Variants in SPAG16 observed in about 807,000 individuals in gnomAD.
SPAG16 encodes sperm-associated antigen 16 protein.
SPAG16 carries 86 observed loss-of-function variants against 80.4 expected under a neutral mutation model. The observed-to-expected ratio is 1.07, with a 90% CI of 0.90 to 1.28. The LOEUF (loss-of-function observed/expected upper bound fraction) is 1.28, where lower values mean the gene tolerates loss of function less well. SPAG16 is among the 50% of genes most tolerant of loss of function. The pLI, the probability that SPAG16 is intolerant of heterozygous loss-of-function variation, is 0.00. For missense variants in SPAG16, 870 were observed against 765.3 expected, an observed-to-expected ratio of 1.14 and a Z score of -1.61; for synonymous variants, 294 against 265.9, an observed-to-expected ratio of 1.11 and a Z score of -1.03.
At chr2:214,327,680 G>T (rs1696585661) in intron 15 of SPAG16, among the ~76,000 whole-genome samples, 1 of 134,204 alleles carries the variant, frequency 7.5e-6, no homozygotes, top group South Asian at 2.6e-4. Context: ...ATAATGTGCA[G>T]ATTCTAGATA....
chr2:213,524,570 A>G (rs1311714603), intron 10 of SPAG16, among the ~76,000 whole-genome samples: 1 of 152,236 alleles, frequency 6.6e-6, no homozygotes, highest in African/African-American at 2.4e-5. Flanking sequence ...GAGCTGCCCA[A>G]GGCCATGGGA....
intron 9 of SPAG16, among the ~76,000 whole-genome samples, chr2:213,410,532 AGCAAAGATGGACT>A (rs1465628806): frequency 1.3e-5 from 2 of 152,138 alleles, no homozygotes. Context: ...CCCACTGAAG[AGCAAAGATGGACT>A]GCAAAGATGG....
intron 11 of SPAG16, among the ~76,000 whole-genome samples, chr2:213,899,313 G>A (rs1473948088): frequency 6.6e-6 from 1 of 152,086 alleles, no homozygotes; most frequent in Non-Finnish European, 1.5e-5. Flanking sequence ...TTTGAATTCT[G>A]AATAATGCCA....
chr2:213,591,116 T>A (rs2060675337), intron 10 of SPAG16, among the ~76,000 whole-genome samples: 1 of 152,206 alleles, frequency 6.6e-6, no homozygotes, highest in South Asian at 2.1e-4. Context: ...AATTGTACAT[T>A]TTTGTACATT....
chr2:214,394,611 A>C (rs1701260594), intron 15 of SPAG16, among the ~76,000 whole-genome samples: 1 of 152,142 alleles, frequency 6.6e-6, no homozygotes. Flanking sequence ...AGTTTCACAG[A>C]AAAATTGAAA....
chr2:214,028,372 C>A (rs745845031), intron 13 of SPAG16, among the ~76,000 whole-genome samples: 3 of 152,110 alleles, frequency 2.0e-5, no homozygotes, highest in East Asian at 1.9e-4. Flanking sequence ...GATGATGGAG[C>A]CTTTTCACAA....
intron 6 of SPAG16, among the ~76,000 whole-genome samples, chr2:213,341,215 A>T (rs2064669093): frequency 6.6e-6 from 1 of 152,170 alleles, no homozygotes; most frequent in South Asian, 2.1e-4. Context: ...TGAATCACTA[A>T]AGCTCATTTT....
intron 10 of SPAG16, among the ~76,000 whole-genome samples, chr2:213,525,077 C>G (rs1350830369): frequency 6.6e-6 from 1 of 152,008 alleles, no homozygotes. Flanking sequence ...GCAGCTACCT[C>G]CATGCTGCTG....
At chr2:213,788,704 T>C (rs1575139930) in intron 10 of SPAG16, among the ~76,000 whole-genome samples, 1 of 151,910 alleles carries the variant, frequency 6.6e-6, no homozygotes, top group East Asian at 1.9e-4. Context: ...ACTTAATCCC[T>C]CTGTTCAAAA....
chr2:214,170,198 A>G (rs577262975), intron 15 of SPAG16, among the ~76,000 whole-genome samples: 73 of 144,882 alleles, frequency 5.0e-4, no homozygotes, highest in South Asian at 1.3e-3. Context: ...GTGTGTATAC[A>G]TATACACACA....
chr2:214,181,317 A>G (rs2057300733), intron 15 of SPAG16, among the ~76,000 whole-genome samples: 1 of 151,792 alleles, frequency 6.6e-6, no homozygotes. Context: ...TAATGAACAG[A>G]GAAAAGGGAA....
chr2:214,154,050 C>A (rs987216209), intron 15 of SPAG16, among the ~76,000 whole-genome samples: 8 of 152,144 alleles, frequency 5.3e-5, no homozygotes, highest in African/African-American at 1.9e-4. Flanking sequence ...TAATGCTACA[C>A]ATTTTTGTGA....
intron 10 of SPAG16, among the ~76,000 whole-genome samples, chr2:213,608,680 T>C (rs1211611051): frequency 6.6e-6 from 1 of 152,222 alleles, no homozygotes; most frequent in Non-Finnish European, 1.5e-5. Context: ...ATCCTTTGGG[T>C]ATATACCCAG....
chr2:214,047,888 AG>A (rs1443109109), intron 13 of SPAG16, among the ~76,000 whole-genome samples: 3 of 152,202 alleles, frequency 2.0e-5, no homozygotes, highest in African/African-American at 7.2e-5. Flanking sequence ...ATACCTGAAT[AG>A]ACATTTCTCA....
chr2:213,453,227 T>C (rs201849380), intron 9 of SPAG16, among the ~76,000 whole-genome samples: 1 of 152,382 alleles, frequency 6.6e-6, no homozygotes, highest in African/African-American at 2.4e-5. Flanking sequence ...AGAGGTCTGA[T>C]ACTCTGTCTC....
At chr2:214,298,065 G>GATGTATGCCTATATATATATATATAT (rs1694262336) in intron 15 of SPAG16, among the ~76,000 whole-genome samples, 1 of 139,346 alleles carries the variant, frequency 7.2e-6, no homozygotes, top group East Asian at 2.1e-4. Flanking sequence ...TTCTTGGTTA[G>GATGTATGCCTATATATATATATATAT]ATGTATGCCT....
chr2:213,618,661 G>A (rs1391213960), intron 10 of SPAG16, among the ~76,000 whole-genome samples: 1 of 149,924 alleles, frequency 6.7e-6, no homozygotes, highest in Non-Finnish European at 1.5e-5. Context: ...CGTGTTTATA[G>A]TTTGCTGAAT....
intron 3 of SPAG16, among the ~76,000 whole-genome samples, chr2:213,299,873 T>TTA (rs2062663033): frequency 6.6e-6 from 1 of 152,028 alleles, no homozygotes; most frequent in South Asian, 2.1e-4. Flanking sequence ...AAAGGTAGGA[T>TTA]TATATATATG....
In SPAG16 at chr2:213,904,084, C is replaced by T. The variant is rs112655180; in HGVS notation, c.1215-25876C>T. Reference sequence around the variant, plus strand: ...AAGCCATTCAAGTCTCTGGGAAGTTCTAAATTTTCCCACATGTTCCTGTCT... The same window carrying T: ...AAGCCATTCAAGTCTCTGGGAAGTTTTAAATTTTCCCACATGTTCCTGTCT... On this transcript the variant is annotated intron_variant, in intron 11 of 15. Coordinates refer to ENST00000331683, the MANE Select transcript of SPAG16 (RefSeq NM_024532.5). 2.6e-5 allele frequency among the ~76,000 whole-genome samples: 4 copies of T among 152,270 alleles called. 1 individual carries two copies. Among genetic ancestry groups the T allele is most frequent in the African/African-American group, 9.6e-5 (4 of 41,554 alleles).
Sources: gnomAD v4.1 joint callset for allele counts (sites outside exome capture counted in the v4.1 genomes callset) on GRCh38, gnomAD v4.1.1 for gene constraint, MANE v1.5 for transcripts, NCBI Gene and HGNC (gene_info 2026-07-23, HGNC 2026-07-21) for gene names.